CEP152: variants seen among roughly 807,000 people sequenced by gnomAD.
The protein encoded by CEP152 is centrosomal protein 152.
In CEP152, 132 loss-of-function variants were observed where a neutral mutation model predicts 188.9. The ratio of observed to expected loss-of-function variants is 0.70; its 90% CI spans 0.61 to 0.81. CEP152 has a LOEUF of 0.81. Among genes scored for constraint, CEP152 ranks in the 30% least tolerant of loss-of-function variants. The pLI is 0.00. For missense variants in CEP152, 1,914 were observed against 1,969.8 expected, an observed-to-expected ratio of 0.97 and a Z score of 0.54; for synonymous variants, 649 against 666.6, an observed-to-expected ratio of 0.97 and a Z score of 0.41.
Position 48,768,944 on chromosome 15 carries a change from A to G in CEP152, c.1908+12T>C, listed in dbSNP as rs377635558. 8.1e-5 allele frequency: 118 copies of G among 1,460,576 alleles called. 1 individual carries two copies. The highest frequency in any genetic ancestry group is 1.0e-4 in the Non-Finnish European group (109 of 1,066,706). 90.5% of individuals were successfully genotyped at this position (1,460,576 alleles called of 1,614,324 possible). A position where few individuals can be genotyped will look rare whatever the true frequency, so the allele number is the denominator to read the frequency against. On this transcript the variant is annotated intron_variant, in intron 14 of 26. Coordinates refer to ENST00000380950, the MANE Select transcript of CEP152 (RefSeq NM_001194998.2). ...AAAATTCTCATAAAATATAAAAAAT[A>G]TTTTTAATCACCTGATTTTGTTGTT...
At chr15:48,758,517 A>G (rs888173941) in intron 19 of CEP152, among the ~76,000 whole-genome samples, 1 of 151,954 alleles carries the variant, frequency 6.6e-6, no homozygotes, top group Non-Finnish European at 1.5e-5. Flanking sequence ...TCAGGAGTTC[A>G]AGACCAGCCT....
In CEP152 at chr15:48,739,346, CA is replaced by C. The variant is rs1391695693; in HGVS notation, c.4094-59del. 4.0e-6 allele frequency: 6 copies of C among 1,512,952 alleles called. No individual in the cohort carries two copies. The Admixed American group carries it at 1.5e-4, about 37-fold the overall frequency. The allele number at this position is 1,512,952 out of a possible 1,614,324, so 93.7% of individuals were successfully genotyped here. On this transcript the variant is annotated intron_variant, in intron 26 of 26. Coordinates refer to ENST00000380950, the MANE Select transcript of CEP152 (RefSeq NM_001194998.2). ...AAAATTAATATTTAAAGGGAAGATTCATCCTTGAACAAAAAAATAAAAAAAA... is the reference window on the plus strand; with the variant it reads ...AAAATTAATATTTAAAGGGAAGATTCTCCTTGAACAAAAAAATAAAAAAAA...
Position 48,767,437 on chromosome 15 carries a change from T to G in CEP152, c.2045A>C (p.His682Pro). The change falls in exon 16 of 27, where the codon CAT becomes CCT. Residue 682 changes from histidine to proline, a missense_variant. By Grantham distance (77) the His-to-Pro change is moderately conservative (BLOSUM62 -2). Coordinates refer to ENST00000380950, the MANE Select transcript of CEP152 (RefSeq NM_001194998.2). ...ACGTATTTGAGTTTTCATGGCTTCA[T>G]GGTGCTGCTGATAAGTCCTTTCACA... ...DRCERTYQQH[H>P]EAMKTQIRES... is the part of the protein sequence containing the mutation. 6.2e-7 allele frequency: 1 copy of G among 1,614,180 alleles called. No individual in the cohort carries two copies. The highest frequency in any genetic ancestry group is 8.5e-7 in the Non-Finnish European group (1 of 1,180,010).
At position 48,744,489 on chromosome 15, in the gene CEP152, T is replaced by C. The variant is rs1455923574; in HGVS notation, c.3732-146A>G. On this transcript the variant is annotated intron_variant, in intron 23 of 26. Coordinates refer to ENST00000380950, the MANE Select transcript of CEP152 (RefSeq NM_001194998.2). ...AGAACAATCTCCACTATACAGTTAT[T>C]TAAAATAGGGGAAAAATGGAAACAA... The C allele has an allele frequency of 5.8e-6, 8 of 1,386,364 alleles. No homozygotes were observed. The East Asian group carries it at 2.0e-4, about 35-fold the overall frequency. 85.9% of individuals were successfully genotyped at this position (1,386,364 alleles called of 1,614,324 possible).
chr15:48,772,622 T>C lies in CEP152; in HGVS notation c.1647A>G (p.Glu549=), dbSNP rs772365431. 5 of 1,614,146 alleles carry C rather than the reference T, an allele frequency of 3.1e-6. No individual in the cohort carries two copies. Among genetic ancestry groups the C allele is most frequent in the Non-Finnish European group, 4.2e-6 (5 of 1,180,012 alleles). The change falls in exon 13 of 27, where the codon GAA becomes GAG. Residue 549 remains glutamate (E), a synonymous_variant. Coordinates refer to ENST00000380950, the MANE Select transcript of CEP152 (RefSeq NM_001194998.2). ...KDEFILKLKA[E]VQRLLGSNSM... is the part of the protein sequence containing the mutation. ...AGTTGCTACCCAGCAAACGCTGTAC[T>C]TCTGCCTTTAACTTCAGAATGAACT...
chr15:48,756,046 T>G lies in CEP152; in HGVS notation c.3202A>C (p.Lys1068Gln). 6.2e-7 allele frequency: 1 copy of G among 1,614,122 alleles called. No homozygotes were observed. The highest frequency in any genetic ancestry group is 1.1e-5 in the South Asian group (1 of 91,076). The change falls in exon 20 of 27, where the codon AAG becomes CAG. Residue 1068 changes from lysine to glutamine, a missense_variant. Coordinates refer to ENST00000380950, the MANE Select transcript of CEP152 (RefSeq NM_001194998.2). The part of the protein sequence containing the change: ...QKEHISDSED[K>Q]QLLEIMSTCS... ...GTCGACATGATTTCCAAAAGCTGCT[T>G]GTCCTCAGAATCACTGATGTGCTCC...
At position 48,744,339 on chromosome 15, in the gene CEP152, A is replaced by G. The variant is rs750203310; in HGVS notation, c.3736T>C (p.Leu1246=). 1.9e-6 allele frequency: 3 copies of G among 1,614,096 alleles called. No individual in the cohort carries two copies. The highest frequency in any genetic ancestry group is 2.2e-5 in the East Asian group (1 of 44,842). ...QTLCKTPPRS[L]SAGAIENACL... Reference sequence around the variant, plus strand: ...GCATTTTCAATGGCCCCTGCTGACAATGACCTAAAAAACAAACCAAAGATT... The same window carrying G: ...GCATTTTCAATGGCCCCTGCTGACAGTGACCTAAAAAACAAACCAAAGATT... Residue 1246 remains leucine (L), a synonymous_variant, in exon 24 of 27, where the codon TTG becomes CTG. Coordinates refer to ENST00000380950, the MANE Select transcript of CEP152 (RefSeq NM_001194998.2).
chr15:48,774,320 A>C (rs1053068065), intron 12 of CEP152, among the ~76,000 whole-genome samples: 8 of 152,098 alleles, frequency 5.3e-5, no homozygotes, highest in Admixed American at 4.6e-4. Flanking sequence ...TAATGGCCAA[A>C]TTTTTCCTAA....
At chr15:48,809,839 G>A (rs1196612694) in intron 1 of CEP152, among the ~76,000 whole-genome samples, 1 of 152,134 alleles carries the variant, frequency 6.6e-6, no homozygotes, top group South Asian at 2.1e-4. Context: ...GGAATAAAGA[G>A]GATTCCGCAT....
At chr15:48,755,751 T>C in intron 20 of CEP152, 152 bp downstream of exon 20, 1 of 1,472,018 alleles carries the variant, frequency 6.8e-7, no homozygotes, top group Non-Finnish European at 9.0e-7. Context: ...TGCAAACCTT[T>C]GGATTTCGCT....
intron 6 of CEP152, 135 bp from the exon 7 acceptor site, chr15:48,793,596 G>A: frequency 4.0e-6 from 3 of 752,874 alleles, no homozygotes; most frequent in African/African-American, 1.8e-5. Flanking sequence ...TTGTGACTAG[G>A]ATTAAAAAAG....
chr15:48,792,796 T>C (rs1305489807), intron 7 of CEP152, among the ~76,000 whole-genome samples: 2 of 150,788 alleles, frequency 1.3e-5, no homozygotes, highest in Non-Finnish European at 3.0e-5. Context: ...AAAGGGAAAA[T>C]ATAGGGACTC....
intron 2 of CEP152, among the ~76,000 whole-genome samples, chr15:48,800,617 C>T (rs1377175868): frequency 2.6e-5 from 4 of 152,142 alleles, no homozygotes; most frequent in Non-Finnish European, 5.9e-5. Context: ...ACAGAAATAA[C>T]AATCCTTATA....
At position 48,789,018 on chromosome 15, in the gene CEP152, G is replaced by A; in HGVS notation, c.973-17C>T. ...CTTGATCATCTAGTAAATACACACA[G>A]GATATCCATGTTTAAAATATACACA... On this transcript the variant is annotated splice_polypyrimidine_tract_variant and intron_variant, in intron 8 of 26. Coordinates refer to ENST00000380950, the MANE Select transcript of CEP152 (RefSeq NM_001194998.2). The A allele has an allele frequency of 6.2e-7, 1 of 1,602,666 alleles. No individual in the cohort carries two copies. The highest frequency in any genetic ancestry group is 8.5e-7 in the Non-Finnish European group (1 of 1,169,698).
At chr15:48,744,033 A>AC (rs1337323591) in intron 24 of CEP152, among the ~76,000 whole-genome samples, 1 of 152,222 alleles carries the variant, frequency 6.6e-6, no homozygotes, top group Admixed American at 6.5e-5. Context: ...GACGATTCTC[A>AC]CATCACTTCC....
Position 48,768,235 on chromosome 15 carries a change from G to T in CEP152, c.2002C>A (p.Gln668Lys). The T allele has an allele frequency of 6.2e-7, 1 of 1,607,326 alleles. No individual in the cohort carries two copies. The highest frequency in any genetic ancestry group is 8.5e-7 in the Non-Finnish European group (1 of 1,173,862). ...QMVQDFDHDK[Q>K]EAVDRCERTY... ...AGACCTTACCTATCCACAGCTTCTT[G>T]TTTGTCATGGTCAAAATCTTGTACC... Residue 668 changes from glutamine (Q) to lysine (K), a missense_variant, in exon 15 of 27, where the codon CAA (glutamine) becomes AAA (lysine). Coordinates refer to ENST00000380950, the MANE Select transcript of CEP152 (RefSeq NM_001194998.2).
At chr15:48,805,837 A>G (rs561059036) in intron 1 of CEP152, among the ~76,000 whole-genome samples, 181 bp from the exon 2 acceptor site, 91 of 152,362 alleles carry the variant, frequency 6.0e-4, no homozygotes, top group African/African-American at 2.1e-3. Flanking sequence ...GCTATATGAC[A>G]GCAATTCATG....
chr15:48,767,923 C>G (rs1895240374), intron 15 of CEP152, among the ~76,000 whole-genome samples: 1 of 152,072 alleles, frequency 6.6e-6, no homozygotes, highest in Non-Finnish European at 1.5e-5. Flanking sequence ...AGACTTTTTT[C>G]TTTATAAAGA....
intron 20 of CEP152, among the ~76,000 whole-genome samples, chr15:48,753,465 AT>A (rs1894030962): frequency 6.6e-6 from 1 of 152,236 alleles, no homozygotes; most frequent in African/African-American, 2.4e-5. Context: ...AGAAGCCTTG[AT>A]TTTGATTATG....
Sources: gnomAD v4.1 joint callset for allele counts (sites outside exome capture counted in the v4.1 genomes callset) on GRCh38, gnomAD v4.1.1 for gene constraint, MANE v1.5 for transcripts, NCBI Gene and HGNC (gene_info 2026-07-23, HGNC 2026-07-21) for gene names.